The following GAPVD1 variants were observed in gnomAD, a reference collection of about 807,000 sequenced individuals.
The protein encoded by GAPVD1 is GTPase-activating protein and VPS9 domain-containing protein 1.
In GAPVD1, 35 loss-of-function variants were observed where a neutral mutation model predicts 155.5. That is an observed-to-expected ratio of 0.23 (90% CI 0.17 to 0.30). The LOEUF is 0.30. GAPVD1 is among the 10% of genes least tolerant of loss of function. GAPVD1 has a pLI of 1.00. For missense variants in GAPVD1, 1,429 were observed against 1,775.7 expected, an observed-to-expected ratio of 0.80 and a Z score of 3.51; for synonymous variants, 636 against 619.7, an observed-to-expected ratio of 1.03 and a Z score of -0.39.
intron 9 of GAPVD1, among the ~76,000 whole-genome samples, chr9:125,315,170 T>C (rs1439277056): frequency 2.6e-5 from 4 of 152,104 alleles, no homozygotes; most frequent in African/African-American, 9.7e-5. Context: ...TAGTGATTGA[T>C]AAAGTGATGG....
At chr9:125,289,377 C>G (rs865975341) in intron 2 of GAPVD1, among the ~76,000 whole-genome samples, 1 of 152,208 alleles carries the variant, frequency 6.6e-6, no homozygotes, top group African/African-American at 2.4e-5. Context: ...GAAACTATTG[C>G]AGTAATCCAG....
chr9:125,305,371 G>GTTTT (rs34474690), intron 6 of GAPVD1, among the ~76,000 whole-genome samples: 5 of 111,568 alleles, frequency 4.5e-5, no homozygotes, highest in Non-Finnish European at 7.1e-5. Context: ...ATTTTAAAAA[G>GTTTT]TTTTTTTTTT....
At chr9:125,358,548 G>T (rs1050794159) in intron 25 of GAPVD1, among the ~76,000 whole-genome samples, 2 of 152,186 alleles carry the variant, frequency 1.3e-5, no homozygotes. Flanking sequence ...CGGGGTGTGG[G>T]TTATGTTTGT....
chr9:125,333,136 G>T (rs1424121032), intron 15 of GAPVD1, among the ~76,000 whole-genome samples: 2 of 151,302 alleles, frequency 1.3e-5, no homozygotes, highest in African/African-American at 4.9e-5. Flanking sequence ...GCTGTGGCAC[G>T]ATCTTGGCTC....
chr9:125,343,209 T>A (rs79813062), intron 19 of GAPVD1, among the ~76,000 whole-genome samples: 2 of 151,730 alleles, frequency 1.3e-5, no homozygotes, highest in African/African-American at 2.4e-5. Context: ...TTTTTTTTTT[T>A]AAGCTCATCA....
At chr9:125,352,443 G>A (rs1189438154) in intron 23 of GAPVD1, among the ~76,000 whole-genome samples, 6 of 152,238 alleles carry the variant, frequency 3.9e-5, no homozygotes, top group Non-Finnish European at 7.3e-5. Flanking sequence ...AATCTGCCGA[G>A]GCTTGGGGCT....
chr9:125,323,891 T>C lies in GAPVD1; in HGVS notation c.1826T>C (p.Val609Ala). 6.2e-7 allele frequency: 1 copy of C among 1,613,828 alleles called. No individual in the cohort carries two copies. The highest frequency in any genetic ancestry group is 8.5e-7 in the Non-Finnish European group (1 of 1,179,794). Residue 609 changes from valine to alanine, a missense_variant, in exon 11 of 28, where the codon GTT becomes GCT. Physicochemically the swap from Val to Ala is moderately conservative, Grantham distance 64. Transcript: ENST00000297933. ...GCAGGACCTTCTGGCAGTAATGGAG[T>C]TGAAGCTCTACAGCTGTTAGAACAT... ...LGAGPSGSNG[V>A]EALQLLEHEQ...
chr9:125,290,281 A>G (rs1838362833), intron 2 of GAPVD1, among the ~76,000 whole-genome samples: 1 of 152,140 alleles, frequency 6.6e-6, no homozygotes, highest in Non-Finnish European at 1.5e-5. Context: ...CAGCAAGTCT[A>G]TATGTTGGTG....
At chr9:125,296,990 C>G (rs1212920110) in intron 3 of GAPVD1, among the ~76,000 whole-genome samples, 1 of 152,170 alleles carries the variant, frequency 6.6e-6, no homozygotes, top group Non-Finnish European at 1.5e-5. Flanking sequence ...TGATGACTGT[C>G]TGCTGCCCAG....
intron 2 of GAPVD1, among the ~76,000 whole-genome samples, chr9:125,279,163 G>C (rs1478704452): frequency 6.8e-6 from 1 of 146,156 alleles, no homozygotes; most frequent in East Asian, 2.0e-4. Flanking sequence ...AGTGAGCCGA[G>C]ATCACACCAC....
In GAPVD1 at chr9:125,362,927, G is replaced by T; in HGVS notation, c.*181G>T. On this transcript the variant is annotated 3_prime_UTR_variant, in exon 28 of 28. Coordinates refer to ENST00000297933, the MANE Select transcript of GAPVD1 (RefSeq NM_001282680.3). ...CTAACAAGCAGGTTCTCTCGTCTTT[G>T]GGCTCTTTCCTTTCTGAGTTGCATA... is the stretch of plus-strand genomic sequence containing the variant. 2.4e-6 allele frequency: 1 copy of T among 412,976 alleles called. No homozygotes were observed. Among genetic ancestry groups the T allele is most frequent in the East Asian group, 4.0e-5 (1 of 24,812 alleles). The allele number at this position is 412,976 out of a possible 1,614,324, so 25.6% of individuals were successfully genotyped here.
Position 125,302,057 on chromosome 9 carries a change from A to T in GAPVD1, c.260A>T (p.Lys87Met), listed in dbSNP as rs1173072348. 1 of 1,613,400 alleles carries T rather than the reference A, an allele frequency of 6.2e-7. No individual in the cohort carries two copies. Reference protein sequence around the residue: ...LEDTQFVDGYKQLGFQETAYG... With the variant: ...LEDTQFVDGYMQLGFQETAYG... ...GATACACAATTTGTTGATGGGTATA[A>T]GCAATTGGGATTTCAGGAGACTGCT... The change falls in exon 5 of 28, where the codon AAG (lysine) becomes ATG (methionine). Residue 87 changes from lysine to methionine, a missense_variant. By Grantham distance (95) the Lys-to-Met change is moderately conservative. Around this residue, in one of 4 missense-constraint regions of GAPVD1, gnomAD observed 628 missense variants for 733.4 expected, o/e 0.86. Transcript: ENST00000297933.
intron 23 of GAPVD1, among the ~76,000 whole-genome samples, chr9:125,352,297 CCCCAT>C (rs1361353413): frequency 7.9e-5 from 12 of 152,254 alleles, no homozygotes; most frequent in African/African-American, 2.9e-4. Context: ...TGCAGAGGTT[CCCCAT>C]GAGGACCCTG....
At chr9:125,293,866 A>ATATTT (rs1554757136) in intron 2 of GAPVD1, among the ~76,000 whole-genome samples, 407 of 17,524 alleles carry the variant, frequency 0.023, 26 homozygotes, top group South Asian at 0.082. Flanking sequence ...ATATATATAT[A>ATATTT]TATATATATA....
At chr9:125,332,943 T>G (rs550832838) in intron 15 of GAPVD1, among the ~76,000 whole-genome samples, 1 of 152,360 alleles carries the variant, frequency 6.6e-6, no homozygotes, top group African/African-American at 2.4e-5. Context: ...TAAATAATTT[T>G]GATGTAACTG....
intron 25 of GAPVD1, among the ~76,000 whole-genome samples, chr9:125,356,150 T>C (rs1850051077): frequency 6.6e-6 from 1 of 152,228 alleles, no homozygotes; most frequent in African/African-American, 2.4e-5. Flanking sequence ...GTCTTACTTA[T>C]GCTTCAGGTC....
chr9:125,274,362 AT>A (rs112052948), intron 2 of GAPVD1, among the ~76,000 whole-genome samples: 1 of 152,064 alleles, frequency 6.6e-6, no homozygotes, highest in African/African-American at 2.4e-5. Flanking sequence ...TGGAAAAAAA[AT>A]GAAGGGTTTT....
intron 9 of GAPVD1, among the ~76,000 whole-genome samples, chr9:125,315,377 G>A (rs1222275219): frequency 6.6e-6 from 1 of 152,202 alleles, no homozygotes; most frequent in African/African-American, 2.4e-5. Flanking sequence ...AAAGACTGCT[G>A]AATTTTGTTA....
intron 23 of GAPVD1, among the ~76,000 whole-genome samples, chr9:125,354,306 T>G (rs2132502749): frequency 6.6e-6 from 1 of 152,330 alleles, no homozygotes; most frequent in East Asian, 1.9e-4. Context: ...AGCTGTCAAT[T>G]TCCTATTAAG....
Sources: allele counts gnomAD v4.1 joint callset (sites outside exome capture counted in the v4.1 genomes callset), GRCh38; gene constraint gnomAD v4.1.1; regional missense constraint gnomAD v4.1.1; transcripts MANE v1.5; gene names NCBI Gene and HGNC (gene_info 2026-07-23, HGNC 2026-07-21).